The following CTNNA3 variants were observed in gnomAD, a reference collection of about 807,000 sequenced individuals.
The protein encoded by CTNNA3 is catenin alpha-3.
Under a neutral mutation model 95.7 loss-of-function variants are expected in CTNNA3, and 76 were observed. The observed-to-expected ratio is 0.79, with a 90% confidence interval of 0.66 to 0.96. The LOEUF (loss-of-function observed/expected upper bound fraction) is 0.96. Ranked by LOEUF, CTNNA3 falls within the 40% of genes least tolerant of loss-of-function variation. The probability of loss-of-function intolerance (pLI) is 0.00; values close to 1 mark genes in which losing one functional copy is unlikely to be tolerated. For synonymous variants in CTNNA3, 431 were observed against 374.4 expected, an observed-to-expected ratio of 1.15 and a Z score of -1.74; for missense variants, 1,191 against 1,089.8, an observed-to-expected ratio of 1.09 and a Z score of -1.31.
intron 7 of CTNNA3, among the ~76,000 whole-genome samples, chr10:66,850,945 C>A (rs1843461496): frequency 6.6e-6 from 1 of 152,066 alleles, no homozygotes; most frequent in Admixed American, 6.6e-5. Flanking sequence ...CTTTCTAAGG[C>A]CATTTCAGGG....
chr10:67,099,403 A>C lies in CTNNA3; in HGVS notation c.1047+80914T>G, dbSNP rs116597061. On this transcript the variant is annotated intron_variant, in intron 7 of 17. Coordinates refer to ENST00000433211, the MANE Select transcript of CTNNA3 (RefSeq NM_013266.4). ...CTTTTTATGTTGTCATTTTATATTC[A>C]TGCCATCAAAAGTAGATTGACAATA... The C allele has an allele frequency of 1.8e-3, 280 of 151,754 alleles. 1 individual carries two copies. Among genetic ancestry groups the C allele is most frequent in the African/African-American group, 6.4e-3 (264 of 41,456 alleles). 9.4% of individuals were successfully genotyped at this position (151,754 alleles called of 1,614,324 possible).
At chr10:66,474,818 T>G (rs1263931956) in intron 11 of CTNNA3, among the ~76,000 whole-genome samples, 1 of 152,064 alleles carries the variant, frequency 6.6e-6, no homozygotes, top group Non-Finnish European at 1.5e-5. Flanking sequence ...TTTCATATAC[T>G]TGTTAGTGAT....
At position 65,919,589 on chromosome 10, in the gene CTNNA3, C is replaced by G. The variant is rs1402540673; in HGVS notation, c.*741G>C. 6.6e-6 allele frequency: 1 copy of G among 152,102 alleles called. No homozygotes were observed. Among genetic ancestry groups the G allele is most frequent in the Non-Finnish European group, 1.5e-5 (1 of 68,028 alleles). The allele number at this position is 152,102 out of a possible 1,614,324, so 9.4% of individuals were successfully genotyped here. A position where few individuals can be genotyped will look rare whatever the true frequency, so the allele number is the denominator to read the frequency against. Reference sequence around the variant, plus strand: ...TATGTATTCGGATAGGCCTAACACTCAAAAGTACAGAACTCTCTAACACAT... The same window carrying G: ...TATGTATTCGGATAGGCCTAACACTGAAAAGTACAGAACTCTCTAACACAT... On this transcript the variant is annotated 3_prime_UTR_variant, in exon 18 of 18. Coordinates refer to ENST00000433211, the MANE Select transcript of CTNNA3 (RefSeq NM_013266.4).
At chr10:66,762,382 G>C (rs1839636831) in intron 9 of CTNNA3, among the ~76,000 whole-genome samples, 1 of 152,040 alleles carries the variant, frequency 6.6e-6, no homozygotes, top group African/African-American at 2.4e-5. Flanking sequence ...AGAGTAACTG[G>C]ATGCTCAAAG....
At chr10:67,104,735 A>G (rs1452501063) in intron 7 of CTNNA3, among the ~76,000 whole-genome samples, 1 of 152,020 alleles carries the variant, frequency 6.6e-6, no homozygotes, top group Non-Finnish European at 1.5e-5. Flanking sequence ...AGCATCCATG[A>G]AAAACATACT....
Position 67,435,614 on chromosome 10 carries a change from G to A in CTNNA3, c.579+86228C>T, listed in dbSNP as rs376975849. On this transcript the variant is annotated intron_variant, in intron 5 of 17. Coordinates refer to ENST00000433211, the MANE Select transcript of CTNNA3 (RefSeq NM_013266.4). The stretch of plus-strand genomic sequence containing the variant: ...CAGAAAGCTCCTAGAACTGATACAA[G>A]AATTCAGCAGTTTCTGGATACAAGA... Among the ~76,000 whole-genome samples, 5 of 152,038 alleles carry A rather than the reference G, an allele frequency of 3.3e-5. No homozygotes were observed. In the South Asian group the frequency reaches 8.3e-4, roughly 25 times the overall value.
chr10:66,217,027 C>G (rs1241036525), intron 13 of CTNNA3, among the ~76,000 whole-genome samples: 10 of 152,122 alleles, frequency 6.6e-5, no homozygotes, highest in Admixed American at 6.6e-4. Flanking sequence ...TACTTGTTCT[C>G]TATTCTATAG....
At chr10:66,518,352 C>T (rs1840936383) in intron 11 of CTNNA3, among the ~76,000 whole-genome samples, 2 of 152,006 alleles carry the variant, frequency 1.3e-5, no homozygotes, top group South Asian at 4.1e-4. Flanking sequence ...GAGTATTCTC[C>T]CTATGTGCTG....
intron 9 of CTNNA3, among the ~76,000 whole-genome samples, chr10:66,629,475 T>A (rs1465312927): frequency 6.6e-6 from 1 of 152,166 alleles, no homozygotes; most frequent in Non-Finnish European, 1.5e-5. Flanking sequence ...CAACCTATAT[T>A]TTTGCTGTCC....
At chr10:66,874,239 A>G (rs574089067) in intron 7 of CTNNA3, among the ~76,000 whole-genome samples, 2 of 152,274 alleles carry the variant, frequency 1.3e-5, no homozygotes, top group South Asian at 4.1e-4. Context: ...ATAGTGATGA[A>G]TATCAGAGCT....
chr10:67,415,457 C>G (rs1304022953), intron 5 of CTNNA3, among the ~76,000 whole-genome samples: 1 of 152,036 alleles, frequency 6.6e-6, no homozygotes, highest in Non-Finnish European at 1.5e-5. Flanking sequence ...TGAAAGATCT[C>G]TATAAGGAGA....
intron 13 of CTNNA3, among the ~76,000 whole-genome samples, chr10:66,139,624 T>C (rs1160659928): frequency 6.6e-6 from 1 of 152,150 alleles, no homozygotes; most frequent in Non-Finnish European, 1.5e-5. Flanking sequence ...TTTTCTCCTA[T>C]ATGTATTTTT....
rs543879229 is a variant in CTNNA3, at chr10:67,756,364, G to A, written c.-2+7070C>T. 2.6e-5 allele frequency among the ~76,000 whole-genome samples: 4 copies of A among 152,148 alleles called. No homozygotes were observed. In the South Asian group the frequency reaches 8.3e-4, roughly 32 times the overall value. ...TAGCATAAAAAAGACAAATATTTAA[G>A]GTGATGGATATCCTAACTACACCAA... On this transcript the variant is annotated intron_variant, in intron 1 of 17. Coordinates refer to the CTNNA3 transcript ENST00000684154.
intron 7 of CTNNA3, among the ~76,000 whole-genome samples, chr10:67,179,906 C>T (rs1686449722): frequency 6.6e-6 from 1 of 152,114 alleles, no homozygotes; most frequent in Admixed American, 6.6e-5. Flanking sequence ...GCTCATGATC[C>T]CTGTAATATC....
chr10:67,089,474 C>A (rs939305102), intron 7 of CTNNA3, among the ~76,000 whole-genome samples: 1 of 151,842 alleles, frequency 6.6e-6, no homozygotes, highest in Non-Finnish European at 1.5e-5. Context: ...CTAAAGAGTT[C>A]TAGGAGATAG....
intron 13 of CTNNA3, among the ~76,000 whole-genome samples, chr10:66,141,413 CA>C (rs1167489688): frequency 2.0e-5 from 3 of 150,364 alleles, no homozygotes; most frequent in South Asian, 2.1e-4. Context: ...TTATTTATAC[CA>C]AAAAAAAGCA....
At position 66,633,476 on chromosome 10, in the gene CTNNA3, C is replaced by G. The variant is rs561198666; in HGVS notation, c.1282-11692G>C. Among the ~76,000 whole-genome samples, 19 of 152,172 alleles carry G rather than the reference C, an allele frequency of 1.2e-4. No homozygotes were observed. In the South Asian group the frequency reaches 3.7e-3, roughly 30 times the overall value. On this transcript the variant is annotated intron_variant, in intron 9 of 17. Transcript: ENST00000433211. ...CGGGCAGATCACGAGGTCAGGAGAT[C>G]AAGACCATCCTGGCTAACATGGTGA...
At chr10:67,506,608 CA>C (rs1429445955) in intron 5 of CTNNA3, among the ~76,000 whole-genome samples, 1 of 152,144 alleles carries the variant, frequency 6.6e-6, no homozygotes, top group East Asian at 1.9e-4. Flanking sequence ...TAGGCATCCT[CA>C]ACATTTCCTT....
intron 13 of CTNNA3, among the ~76,000 whole-genome samples, chr10:66,186,638 G>A (rs896120578): frequency 2.0e-5 from 3 of 152,072 alleles, no homozygotes; most frequent in South Asian, 4.1e-4. Flanking sequence ...TCTGAACTCA[G>A]GTTATTGTCA....
Sources: gnomAD v4.1 joint callset for allele counts (sites outside exome capture counted in the v4.1 genomes callset) on GRCh38, gnomAD v4.1.1 for gene constraint, MANE v1.5 for transcripts, NCBI Gene and HGNC (gene_info 2026-07-23, HGNC 2026-07-21) for gene names.